The following OVOL2 variants were observed in gnomAD, a reference collection of about 807,000 sequenced individuals.
OVOL2 encodes ovo like zinc finger 2.
In OVOL2, 13 loss-of-function variants were observed where a neutral mutation model predicts 18.1. The ratio of observed to expected loss-of-function variants is 0.72; its 90% confidence interval spans 0.47 to 1.14. OVOL2 has a LOEUF of 1.14. Ranked by LOEUF, OVOL2 falls within the 50% of genes most tolerant of loss-of-function variation. The pLI is 0.00. For missense variants in OVOL2, 335 were observed against 383.0 expected (o/e 0.87, Z 1.05); for synonymous variants, 166 against 162.7 (o/e 1.02, Z -0.16).
intron 3 of OVOL2, among the ~76,000 whole-genome samples, chr20:18,034,583 G>A (rs921244881): frequency 1.3e-5 from 2 of 150,866 alleles, no homozygotes; most frequent in African/African-American, 4.9e-5. Flanking sequence ...CTCTCTTCCA[G>A]TCTTCAGTAG....
intron 2 of OVOL2, among the ~76,000 whole-genome samples, chr20:18,054,957 A>G (rs1362780934): frequency 6.6e-6 from 1 of 152,144 alleles, no homozygotes; most frequent in Non-Finnish European, 1.5e-5. Flanking sequence ...GGAGCATATT[A>G]ACACCAAAAT....
At position 18,030,609 on chromosome 20, in the gene OVOL2, C is replaced by T. The variant is rs181287789; in HGVS notation, c.512-5657G>A. On this transcript the variant is annotated intron_variant, in intron 3 of 3. Coordinates refer to ENST00000278780, the MANE Select transcript of OVOL2 (RefSeq NM_021220.4). ...TACCCAGCAAGGCCTGGATAGCAAA[C>T]GCTAGAAGATTCCAAAGCCCTGCAT... is the stretch of plus-strand genomic sequence containing the variant. 4.0e-4 allele frequency among the ~76,000 whole-genome samples: 61 copies of T among 152,306 alleles called. 1 individual carries two copies. The highest frequency in any genetic ancestry group is 2.3e-3 in the Admixed American group (35 of 15,292).
intron 3 of OVOL2, among the ~76,000 whole-genome samples, chr20:18,037,070 A>G (rs1379235285): frequency 6.7e-6 from 1 of 148,182 alleles, no homozygotes; most frequent in Non-Finnish European, 1.5e-5. Flanking sequence ...TGGGAGGCGG[A>G]GCTTGCAGTG....
rs2036832371 is a variant in OVOL2, at chr20:18,056,818, T to C, written c.160A>G (p.Ser54Gly). ...GCGCTGCTGCTGCCGCTGCCGCTGC[T>C]GCTGCCGCCGTCGCTGCGGCAGTCC... Reference protein sequence around the residue: ...PEDCRSDGGSSSGSGSSSAGE... With the variant: ...PEDCRSDGGSGSGSGSSSAGE... The change falls in exon 2 of 4, where the codon AGC (serine) becomes GGC (glycine). Residue 54 changes from serine to glycine, a missense_variant. Ser to Gly is a moderately conservative substitution (Grantham distance 56). Coordinates refer to ENST00000278780, the MANE Select transcript of OVOL2 (RefSeq NM_021220.4). The surrounding 1 kb of genome is among the most constrained non-coding windows in gnomAD (Gnocchi z 4.2). 1 of 1,491,528 alleles carries C rather than the reference T, an allele frequency of 6.7e-7. No individual in the cohort carries two copies. Among genetic ancestry groups the C allele is most frequent in the African/African-American group, 1.5e-5 (1 of 68,610 alleles). The allele number at this position is 1,491,528 out of a possible 1,614,324, so 92.4% of individuals were successfully genotyped here.
intron 3 of OVOL2, among the ~76,000 whole-genome samples, chr20:18,026,294 C>A (rs1318175012): frequency 1.3e-5 from 2 of 152,098 alleles, no homozygotes; most frequent in Admixed American, 6.6e-5. Flanking sequence ...CTTGCCAGAG[C>A]CTCAGAATCA....
intron 3 of OVOL2, among the ~76,000 whole-genome samples, chr20:18,035,177 G>A (rs1016795761): frequency 5.9e-5 from 9 of 152,214 alleles, no homozygotes; most frequent in African/African-American, 2.2e-4. Context: ...CCAGGCGGGT[G>A]CAGTGGCTCA....
In OVOL2 at chr20:18,057,590, C is replaced by T. The variant is rs1170396842; in HGVS notation, c.45G>A (p.Ser15=). 3.1e-6 allele frequency: 5 copies of T among 1,598,292 alleles called. No individual in the cohort carries two copies. The highest frequency in any genetic ancestry group is 4.3e-6 in the Non-Finnish European group (5 of 1,172,300). Residue 15 remains serine (S), a synonymous_variant, in exon 1 of 4, where the codon TCG becomes TCA. Coordinates refer to ENST00000278780, the MANE Select transcript of OVOL2 (RefSeq NM_021220.4). The surrounding 1 kb of genome is among the most constrained non-coding windows in gnomAD (Gnocchi z 6.3). ...FLVKRRSLGV[S]VRSWDELPDE... ...CCGGGAGCTCATCCCAGCTGCGGAC[C>T]GAGACCCCCAGGCTCCTCCTCTTCA...
intron 2 of OVOL2, among the ~76,000 whole-genome samples, chr20:18,045,409 A>G (rs1214443089): frequency 6.6e-6 from 1 of 152,250 alleles, no homozygotes; most frequent in Non-Finnish European, 1.5e-5. Flanking sequence ...CATAGTTCAA[A>G]CATGAATTCT....
chr20:18,031,580 A>C (rs2036570908), intron 3 of OVOL2, among the ~76,000 whole-genome samples: 1 of 152,196 alleles, frequency 6.6e-6, no homozygotes, highest in South Asian at 2.1e-4. Flanking sequence ...CTATCTCAGA[A>C]AAAAAACAAA....
chr20:18,041,452 A>T, intron 3 of OVOL2, 82 bp downstream of exon 3: 1 of 1,498,200 alleles, frequency 6.7e-7, no homozygotes, highest in Non-Finnish European at 9.1e-7. Flanking sequence ...CACGGTCTCA[A>T]CCTGGTTTTT....
chr20:18,028,812 TAAAC>T (rs1450167334), intron 3 of OVOL2, among the ~76,000 whole-genome samples: 2 of 151,668 alleles, frequency 1.3e-5, no homozygotes, highest in Non-Finnish European at 2.9e-5. Flanking sequence ...CATAAATAAA[TAAAC>T]AAAATAAATA....
rs755485792 is a variant in OVOL2, at chr20:18,024,947, G to A, written c.517C>T (p.Arg173Cys). The A allele has an allele frequency of 7.5e-6, 12 of 1,609,284 alleles. No individual in the cohort carries two copies. The highest frequency in any genetic ancestry group is 1.1e-5 in the South Asian group (1 of 90,880). ...KRHVRTHTGI[R>C]PYKCNVCNKA... The stretch of plus-strand genomic sequence containing the variant: ...TTGCAGACGTTGCATTTGTAGGGAC[G>A]AATGCCTGAAAGGATGAGGGACAGA... The change falls in exon 4 of 4, where the codon CGT becomes TGT. Residue 173 changes from arginine to cysteine, a missense_variant. Physicochemically the swap from Arg to Cys is radical, Grantham distance 180. Coordinates refer to ENST00000278780, the MANE Select transcript of OVOL2 (RefSeq NM_021220.4).
At chr20:18,042,367 A>T (rs528229347) in intron 2 of OVOL2, among the ~76,000 whole-genome samples, 1 of 152,180 alleles carries the variant, frequency 6.6e-6, no homozygotes, top group African/African-American at 2.4e-5. Context: ...CCAGTGTTGG[A>T]GGTGGGGCCT....
intron 3 of OVOL2, among the ~76,000 whole-genome samples, chr20:18,036,902 C>T (rs1341284897): frequency 3.3e-5 from 5 of 151,978 alleles, no homozygotes; most frequent in African/African-American, 7.3e-5. Context: ...TTTGGGAGGC[C>T]GAGGCGGGCG....
At chr20:18,037,841 T>G (rs1017670210) in intron 3 of OVOL2, among the ~76,000 whole-genome samples, 33 of 152,180 alleles carry the variant, frequency 2.2e-4, no homozygotes, top group Admixed American at 1.5e-3. Flanking sequence ...CTGTCTTCCC[T>G]CCTGACCTCC....
chr20:18,032,941 T>C (rs2036584519), intron 3 of OVOL2, among the ~76,000 whole-genome samples: 1 of 152,242 alleles, frequency 6.6e-6, no homozygotes, highest in South Asian at 2.1e-4. Flanking sequence ...ATGAACATAT[T>C]ACCTTTTTAG....
intron 2 of OVOL2, among the ~76,000 whole-genome samples, chr20:18,054,610 C>T (rs118092779): frequency 1.0e-3 from 154 of 151,980 alleles, no homozygotes; most frequent in Non-Finnish European, 2.0e-3. Flanking sequence ...GCGATGGTGG[C>T]GTATGCCTGT....
chr20:18,051,262 T>C (rs1302694114), intron 2 of OVOL2, among the ~76,000 whole-genome samples: 1 of 152,048 alleles, frequency 6.6e-6, no homozygotes, highest in Admixed American at 6.6e-5. Context: ...TAGCCATCAA[T>C]GGAGAATTCT....
chr20:18,038,350 C>T (rs1017113101), intron 3 of OVOL2, among the ~76,000 whole-genome samples: 2 of 152,212 alleles, frequency 1.3e-5, no homozygotes, highest in African/African-American at 4.8e-5. Flanking sequence ...CAAAACCTCA[C>T]AACCATCACT....
Sources: allele counts gnomAD v4.1 joint callset (sites outside exome capture counted in the v4.1 genomes callset), GRCh38; gene constraint gnomAD v4.1.1; non-coding constraint Gnocchi (gnomAD v3.1); transcripts MANE v1.5; gene names NCBI Gene and HGNC (gene_info 2026-07-23, HGNC 2026-07-21).